The following L3MBTL3 variants were observed in gnomAD, a reference collection of about 807,000 sequenced individuals.
The protein encoded by L3MBTL3 is L3MBTL histone methyl-lysine binding protein 3, also known as lethal(3)malignant brain tumor-like protein 3.
A neutral mutation model predicts 102.3 loss-of-function variants in L3MBTL3; 27 were observed. That is an observed-to-expected ratio of 0.26 (90% confidence interval 0.19 to 0.36). L3MBTL3 has a LOEUF of 0.36. Among genes scored for constraint, L3MBTL3 ranks in the 10% least tolerant of loss-of-function variants. The probability of loss-of-function intolerance (pLI) is 1.00; values close to 1 mark genes in which losing one functional copy is unlikely to be tolerated. For missense variants in L3MBTL3, 798 were observed against 955.3 expected (o/e 0.84, Z 2.17); for synonymous variants, 340 against 320.9 (o/e 1.06, Z -0.64).
intron 16 of L3MBTL3, among the ~76,000 whole-genome samples, chr6:130,089,516 G>A (rs943718182): frequency 5.9e-5 from 9 of 152,026 alleles, no homozygotes; most frequent in Non-Finnish European, 1.2e-4. Flanking sequence ...GAATAGTGCC[G>A]CAATAAACAT....
rs138633314 is a variant in L3MBTL3 at position 130,138,424 on chromosome 6, T to C, written c.2200-1186T>C. 2.0e-5 allele frequency: 3 copies of C among 152,424 alleles called. No homozygotes were observed. The East Asian group carries it at 5.8e-4, about 29-fold the overall frequency. The allele number at this position is 152,424 out of a possible 1,614,324, so 9.4% of individuals were successfully genotyped here. On this transcript the variant is annotated intron_variant, in intron 22 of 22. Coordinates refer to ENST00000361794, the MANE Select transcript of L3MBTL3 (RefSeq NM_032438.4). ...CTCCTTGACTTGTAGATGTGACTTG[T>C]AGATGGTGGTCTCTCTTTGGGTCTT...
At chr6:130,110,612 T>C (rs1309509872) in intron 19 of L3MBTL3, among the ~76,000 whole-genome samples, 1 of 152,232 alleles carries the variant, frequency 6.6e-6, no homozygotes, top group Non-Finnish European at 1.5e-5. Flanking sequence ...GATGGGGTTT[T>C]CTAAATATAC....
At chr6:130,053,774 A>G (rs1242078064) in intron 7 of L3MBTL3, among the ~76,000 whole-genome samples, 1 of 152,196 alleles carries the variant, frequency 6.6e-6, no homozygotes, top group African/African-American at 2.4e-5. Context: ...TAATGGTTTT[A>G]TAGGAAAAGG....
intron 19 of L3MBTL3, among the ~76,000 whole-genome samples, chr6:130,111,478 G>A (rs1582594289): frequency 6.6e-6 from 1 of 152,212 alleles, no homozygotes. Flanking sequence ...AGGCTGGTGT[G>A]TGCTGAAGTG....
chr6:130,021,888 G>A (rs1411300816), intron 1 of L3MBTL3, among the ~76,000 whole-genome samples: 1 of 152,166 alleles, frequency 6.6e-6, no homozygotes, highest in African/African-American at 2.4e-5. Context: ...TCTTTTTCCA[G>A]TGTGTTTTCT....
chr6:130,112,363 T>G (rs1320976493), intron 19 of L3MBTL3, among the ~76,000 whole-genome samples: 1 of 152,204 alleles, frequency 6.6e-6, no homozygotes, highest in Non-Finnish European at 1.5e-5. Flanking sequence ...AGGCAATAGC[T>G]GTATAACATT....
rs1788251218 is a variant in L3MBTL3, at chr6:130,141,258, T to C, written c.*1505T>C. On this transcript the variant is annotated 3_prime_UTR_variant, in exon 23 of 23. Coordinates refer to ENST00000361794, the MANE Select transcript of L3MBTL3 (RefSeq NM_032438.4). ...GGAAGTCCATTAGCAGTCCTTTGCA[T>C]TTGCCAATTCAAGGTAAAACAGGGT... The C allele has an allele frequency of 6.6e-6, 1 of 152,234 alleles. No homozygotes were observed. Among genetic ancestry groups the C allele is most frequent in the African/African-American group, 2.4e-5 (1 of 41,468 alleles). The allele number at this position is 152,234 out of a possible 1,614,324, so 9.4% of individuals were successfully genotyped here. A position where few individuals can be genotyped will look rare whatever the true frequency, so the allele number is the denominator to read the frequency against.
At chr6:130,071,173 C>A in intron 13 of L3MBTL3, 46 bp downstream of exon 13, 1 of 1,540,186 alleles carries the variant, frequency 6.5e-7, no homozygotes, top group Non-Finnish European at 8.9e-7. Context: ...AATATTTATC[C>A]AAGTAAATGG....
In L3MBTL3 at chr6:130,083,714, A is replaced by G; in HGVS notation, c.1407+9A>G. On this transcript the variant is annotated intron_variant, in intron 15 of 22. Transcript: ENST00000361794. ...CAAGAGCTTTCAAAGTGGTAAGATG[A>G]TACATTTTATTAATTTGCGTGGATG... The G allele has an allele frequency of 1.4e-6, 2 of 1,416,010 alleles. No individual in the cohort carries two copies. The highest frequency in any genetic ancestry group is 1.2e-5 in the South Asian group (1 of 81,882). The allele number at this position is 1,416,010 out of a possible 1,614,324, so 87.7% of individuals were successfully genotyped here. A position where few individuals can be genotyped will look rare whatever the true frequency, so the allele number is the denominator to read the frequency against.
chr6:130,065,893 G>C (rs1049351209), intron 10 of L3MBTL3, among the ~76,000 whole-genome samples: 3 of 151,674 alleles, frequency 2.0e-5, no homozygotes, highest in African/African-American at 7.3e-5. Flanking sequence ...TTCCAACCCA[G>C]CTTTGGTGGA....
chr6:130,078,959 A>G (rs993952844), intron 14 of L3MBTL3, among the ~76,000 whole-genome samples: 1 of 152,180 alleles, frequency 6.6e-6, no homozygotes, highest in Non-Finnish European at 1.5e-5. Context: ...CTTGGAAAAA[A>G]AAAAGTTCTG....
chr6:130,140,061 G>A lies in L3MBTL3; in HGVS notation c.*308G>A, dbSNP rs564897394. On this transcript the variant is annotated 3_prime_UTR_variant, in exon 23 of 23. Coordinates refer to ENST00000361794, the MANE Select transcript of L3MBTL3 (RefSeq NM_032438.4). Reference sequence around the variant, plus strand: ...GCTTCATTAATTATTTATGGTAATGGGGGGCAGAGTAAGAACTTTTGGCAT... The same window carrying A: ...GCTTCATTAATTATTTATGGTAATGAGGGGCAGAGTAAGAACTTTTGGCAT... The A allele has an allele frequency of 4.8e-4, 85 of 178,024 alleles. 2 individuals carry two copies. In the South Asian group the frequency reaches 0.011, roughly 22 times the overall value. The allele number at this position is 178,024 out of a possible 1,614,324, so 11.0% of individuals were successfully genotyped here. A position where few individuals can be genotyped will look rare whatever the true frequency, so the allele number is the denominator to read the frequency against.
intron 20 of L3MBTL3, among the ~76,000 whole-genome samples, chr6:130,124,015 T>A (rs1240810468): frequency 6.6e-6 from 1 of 151,822 alleles, no homozygotes; most frequent in Non-Finnish European, 1.5e-5. Flanking sequence ...GCAACAACAG[T>A]GAGAGAGCAA....
At chr6:130,059,090 T>A (rs1781722542) in intron 9 of L3MBTL3, among the ~76,000 whole-genome samples, 1 of 152,178 alleles carries the variant, frequency 6.6e-6, no homozygotes, top group African/African-American at 2.4e-5. Context: ...AAAAAAAGTT[T>A]AAATGTAGCT....
intron 1 of L3MBTL3, among the ~76,000 whole-genome samples, chr6:130,021,487 C>G (rs1175756164): frequency 1.3e-5 from 2 of 152,218 alleles, no homozygotes; most frequent in Non-Finnish European, 2.9e-5. Flanking sequence ...AGATTGATCG[C>G]TCCCTGAATT....
chr6:130,055,304 A>G, intron 8 of L3MBTL3, 49 bp downstream of exon 8: 1 of 1,449,142 alleles, frequency 6.9e-7, no homozygotes, highest in Non-Finnish European at 9.6e-7. Context: ...GAAATTGGAA[A>G]TGGTTCACAC....
chr6:130,135,877 G>A (rs1331614317), intron 22 of L3MBTL3, among the ~76,000 whole-genome samples: 5 of 152,136 alleles, frequency 3.3e-5, no homozygotes, highest in African/African-American at 9.7e-5. Context: ...TGTCTCACAA[G>A]GTCAGTGGGT....
chr6:130,122,224 G>T (rs1300887483), intron 20 of L3MBTL3, among the ~76,000 whole-genome samples: 1 of 152,196 alleles, frequency 6.6e-6, no homozygotes, highest in Non-Finnish European at 1.5e-5. Flanking sequence ...ATTTGAGAAT[G>T]GCACCTGATG....
chr6:130,058,564 C>T (rs977088822), intron 9 of L3MBTL3, among the ~76,000 whole-genome samples: 1 of 152,028 alleles, frequency 6.6e-6, no homozygotes, highest in African/African-American at 2.4e-5. Context: ...GCCGGGACAA[C>T]AGAGCAAGAC....
Sources: allele counts gnomAD v4.1 joint callset (sites outside exome capture counted in the v4.1 genomes callset), GRCh38; gene constraint gnomAD v4.1.1; transcripts MANE v1.5; gene names NCBI Gene and HGNC (gene_info 2026-07-23, HGNC 2026-07-21).